Variants in FLRT2 observed in about 807,000 individuals in gnomAD.
FLRT2 encodes leucine-rich repeat transmembrane protein FLRT2.
FLRT2 carries 15 observed loss-of-function variants against 40.0 expected under a neutral mutation model. The observed-to-expected ratio is 0.38, with a 90% CI of 0.25 to 0.58. The LOEUF (loss-of-function observed/expected upper bound fraction) is 0.58. Among genes scored for constraint, FLRT2 ranks in the 20% least tolerant of loss-of-function variants. The probability of loss-of-function intolerance (pLI) is 0.71; values close to 1 mark genes in which losing one functional copy is unlikely to be tolerated. For synonymous variants in FLRT2, 380 were observed against 336.8 expected (o/e 1.13, Z -1.41); for missense variants, 726 against 840.0 (o/e 0.86, Z 1.68).
At chr14:85,576,859 A>C (rs1595045720) in intron 1 of FLRT2, among the ~76,000 whole-genome samples, 1 of 152,338 alleles carries the variant, frequency 6.6e-6, no homozygotes, top group Non-Finnish European at 1.5e-5. Flanking sequence ...AGGGGAGCAG[A>C]AATTCTGCTG....
intron 1 of FLRT2, among the ~76,000 whole-genome samples, chr14:85,583,205 A>G (rs1188116321): frequency 2.0e-5 from 3 of 152,218 alleles, no homozygotes; most frequent in Non-Finnish European, 4.4e-5. Flanking sequence ...TGCCTCTAAC[A>G]GGAAATACAA....
At chr14:85,614,925 G>A (rs2753609) in intron 1 of FLRT2, among the ~76,000 whole-genome samples, 124,822 of 152,226 alleles carry the variant, frequency 0.82, 51,230 homozygotes, top group East Asian at 0.88. Flanking sequence ...GACATTCACT[G>A]TAGAAGATAC....
Position 85,635,775 on chromosome 14 carries a change from T to C in FLRT2, c.*12278T>C, listed in dbSNP as rs1893984591. 2 of 152,086 alleles carry C rather than the reference T, an allele frequency of 1.3e-5. No individual in the cohort carries two copies. Among genetic ancestry groups the C allele is most frequent in the African/African-American group, 2.4e-5 (1 of 41,426 alleles). 9.4% of individuals were successfully genotyped at this position (152,086 alleles called of 1,614,324 possible). ...TTAGGAAATTCTTCTTTCCCAGACC[T>C]TCAATACTTTTATAAAACCACTACT... On this transcript the variant is annotated 3_prime_UTR_variant, in exon 2 of 2. Transcript: ENST00000330753.
intron 1 of FLRT2, among the ~76,000 whole-genome samples, chr14:85,580,457 T>C (rs979438007): frequency 1.3e-5 from 2 of 152,190 alleles, no homozygotes; most frequent in Non-Finnish European, 2.9e-5. Context: ...TGCCCCTTTA[T>C]TATAATACCT....
In FLRT2 at chr14:85,622,136, C is replaced by T; in HGVS notation, c.622C>T (p.Arg208Cys). The change falls in exon 2 of 2, where the codon CGT (arginine) becomes TGT (cysteine). Residue 208 changes from arginine to cysteine, a missense_variant. Physicochemically the swap from Arg to Cys is radical, Grantham distance 180 (BLOSUM62 -3). Transcript: ENST00000330753. ...MAFQNLTSLE[R>C]LIVDGNLLTN... ...CTTCCAGAATCTCACGAGCTTGGAG[C>T]GTCTTATTGTGGACGGGAACCTCCT... The T allele has an allele frequency of 3.7e-6, 6 of 1,614,116 alleles. No homozygotes were observed. Among genetic ancestry groups the T allele is most frequent in the East Asian group, 2.2e-5 (1 of 44,870 alleles).
Position 85,633,653 on chromosome 14 carries a change from A to G in FLRT2, c.*10156A>G, listed in dbSNP as rs1254652516. On this transcript the variant is annotated 3_prime_UTR_variant, in exon 2 of 2. Coordinates refer to ENST00000330753, the MANE Select transcript of FLRT2 (RefSeq NM_013231.6). ...ATCTCTAAAAAAAAAAAAAAAAATT[A>G]GCCAGGAGTGGTGGCATGTGCCTAT... 1.3e-5 allele frequency: 2 copies of G among 148,778 alleles called. No individual in the cohort carries two copies. The highest frequency in any genetic ancestry group is 6.7e-5 in the Admixed American group (1 of 14,916). The allele number at this position is 148,778 out of a possible 1,614,324, so 9.2% of individuals were successfully genotyped here.
chr14:85,563,901 A>G (rs534310961), intron 1 of FLRT2, among the ~76,000 whole-genome samples: 1 of 152,336 alleles, frequency 6.6e-6, no homozygotes, highest in East Asian at 1.9e-4. Flanking sequence ...CTATTTGTAC[A>G]TAACTCAATG....
intron 1 of FLRT2, among the ~76,000 whole-genome samples, chr14:85,587,580 T>C (rs996248457): frequency 6.6e-6 from 1 of 152,064 alleles, no homozygotes; most frequent in African/African-American, 2.4e-5. Flanking sequence ...ACCATGAATT[T>C]TTTTTTTTTC....
At chr14:85,563,600 C>T (rs1048407477) in intron 1 of FLRT2, among the ~76,000 whole-genome samples, 4 of 151,922 alleles carry the variant, frequency 2.6e-5, no homozygotes, top group Admixed American at 6.5e-5. Flanking sequence ...CCAGATCTCC[C>T]AAGAACTCAT....
chr14:85,572,694 C>T (rs1266320008), intron 1 of FLRT2, among the ~76,000 whole-genome samples: 2 of 152,192 alleles, frequency 1.3e-5, no homozygotes, highest in Non-Finnish European at 2.9e-5. Context: ...ACTGGGTCCA[C>T]AGAAACACAC....
At chr14:85,547,794 G>A (rs1229428491) in intron 1 of FLRT2, among the ~76,000 whole-genome samples, 1 of 152,164 alleles carries the variant, frequency 6.6e-6, no homozygotes, top group Non-Finnish European at 1.5e-5. Flanking sequence ...GCACAGCTTG[G>A]TTTGTGTACA....
chr14:85,552,896 T>A (rs936159987), intron 1 of FLRT2: 1 of 152,154 alleles, frequency 6.6e-6, no homozygotes, highest in African/African-American at 2.4e-5. Flanking sequence ...CACTGTGTTG[T>A]CTCTGAAAAA....
At chr14:85,554,249 A>G (rs1385391429) in intron 1 of FLRT2, among the ~76,000 whole-genome samples, 1 of 152,216 alleles carries the variant, frequency 6.6e-6, no homozygotes, top group African/African-American at 2.4e-5. Context: ...GCTAGTTTAA[A>G]TGGTCTTCCT....
chr14:85,636,757 C>T lies in FLRT2; in HGVS notation c.*13260C>T, dbSNP rs1197223004. Reference sequence around the variant, plus strand: ...TAGCTTGGCCAACATGGTGAAAGCCCGCCTTTACTAAAAATACAAAAATTA... The same window carrying T: ...TAGCTTGGCCAACATGGTGAAAGCCTGCCTTTACTAAAAATACAAAAATTA... On this transcript the variant is annotated 3_prime_UTR_variant, in exon 2 of 2. Transcript: ENST00000330753. 6.6e-6 allele frequency: 1 copy of T among 151,274 alleles called. No homozygotes were observed. Among genetic ancestry groups the T allele is most frequent in the Non-Finnish European group, 1.5e-5 (1 of 67,848 alleles). 9.4% of individuals were successfully genotyped at this position (151,274 alleles called of 1,614,324 possible). A position where few individuals can be genotyped will look rare whatever the true frequency, so the allele number is the denominator to read the frequency against.
rs180689548 is a variant in FLRT2 at position 85,636,010 on chromosome 14, T to C, written c.*12513T>C. On this transcript the variant is annotated 3_prime_UTR_variant, in exon 2 of 2. Transcript: ENST00000330753. Reference sequence around the variant, plus strand: ...TCTAATGATTGATATTTTAAATTAATGGCTTGTAATTGTGTAATTGGAAAG... The same window carrying C: ...TCTAATGATTGATATTTTAAATTAACGGCTTGTAATTGTGTAATTGGAAAG... 1 of 152,208 alleles carries C rather than the reference T, an allele frequency of 6.6e-6. No individual in the cohort carries two copies. Among genetic ancestry groups the C allele is most frequent in the East Asian group, 1.9e-4 (1 of 5,184 alleles). 9.4% of individuals were successfully genotyped at this position (152,208 alleles called of 1,614,324 possible).
At chr14:85,549,628 T>C (rs1889489918) in intron 1 of FLRT2, among the ~76,000 whole-genome samples, 1 of 152,324 alleles carries the variant, frequency 6.6e-6, no homozygotes, top group Middle Eastern at 3.4e-3. Context: ...TTGGTGCTTG[T>C]GTTTGTGGCT....
In FLRT2 at chr14:85,652,882, C is replaced by T. The variant is rs970575222; in HGVS notation, c.*29385C>T. On this transcript the variant is annotated 3_prime_UTR_variant, in exon 2 of 2. Coordinates refer to ENST00000330753, the MANE Select transcript of FLRT2 (RefSeq NM_013231.6). ...TTGCTCATTAATCAATGTAAGAACA[C>T]CTTACTTTACATTCATTGAACTCTG... is the stretch of plus-strand genomic sequence containing the variant. 2 of 152,082 alleles carry T rather than the reference C, an allele frequency of 1.3e-5. No homozygotes were observed. Among genetic ancestry groups the T allele is most frequent in the Admixed American group, 1.3e-4 (2 of 15,256 alleles). 9.4% of individuals were successfully genotyped at this position (152,082 alleles called of 1,614,324 possible).
rs1184109442 is a variant in FLRT2, at chr14:85,538,141, CTTAAT to C, written c.-377+7613_-377+7617del. On this transcript the variant is annotated intron_variant, in intron 1 of 1. Coordinates refer to ENST00000330753, the MANE Select transcript of FLRT2 (RefSeq NM_013231.6). ...TTTATTTTTCAAATACCACCTCTAA[CTTAAT>C]TTAATGTAGGATGTGTTCCTGCAAA... Among the ~76,000 whole-genome samples the C allele has an allele frequency of 2.0e-5, 3 of 152,110 alleles. No homozygotes were observed. In the East Asian group the frequency reaches 5.8e-4, roughly 29 times the overall value.
chr14:85,558,085 A>G (rs1890086537), intron 1 of FLRT2, among the ~76,000 whole-genome samples: 1 of 152,196 alleles, frequency 6.6e-6, no homozygotes, highest in Non-Finnish European at 1.5e-5. Context: ...TTCCGTAGAA[A>G]GCACTGATGA....
Sources: allele counts gnomAD v4.1 joint callset (sites outside exome capture counted in the v4.1 genomes callset), GRCh38; gene constraint gnomAD v4.1.1; transcripts MANE v1.5; gene names NCBI Gene and HGNC (gene_info 2026-07-23, HGNC 2026-07-21).